CADM2: variants seen among roughly 807,000 people sequenced by gnomAD.
The protein encoded by CADM2 is cell adhesion molecule 2.
Under a neutral mutation model 49.8 loss-of-function variants are expected in CADM2, and 12 were observed. The ratio of observed to expected loss-of-function variants is 0.24; its 90% confidence interval spans 0.15 to 0.39. The LOEUF (loss-of-function observed/expected upper bound fraction) is 0.39, where lower values mean the gene tolerates loss of function less well. Among genes scored for constraint, CADM2 ranks in the 10% least tolerant of loss-of-function variants. The pLI is 1.00. For missense variants in CADM2, 378 were observed against 492.3 expected, an observed-to-expected ratio of 0.77 and a Z score of 2.20; for synonymous variants, 214 against 175.4, an observed-to-expected ratio of 1.22 and a Z score of -1.74.
In CADM2 at chr3:86,012,930, G is replaced by A. The variant is rs539459120; in HGVS notation, c.970+51283G>A. 42 of 636,582 alleles carry A rather than the reference G, an allele frequency of 6.6e-5. 1 individual carries two copies. Among genetic ancestry groups the A allele is most frequent in the Non-Finnish European group, 1.4e-5 (5 of 349,368 alleles). 39.4% of individuals were successfully genotyped at this position (636,582 alleles called of 1,614,324 possible). ...GCGGAGCTTGCAGTGAGCCGAGATC[G>A]CGCCACTGCACTCCAGCCTGGGCGA... On this transcript the variant is annotated intron_variant, in intron 8 of 9. Coordinates refer to ENST00000383699, the MANE Select transcript of CADM2 (RefSeq NM_001167675.2).
intron 1 of CADM2, among the ~76,000 whole-genome samples, chr3:85,467,996 T>C (rs1316310027): frequency 2.6e-5 from 4 of 151,198 alleles, no homozygotes; most frequent in South Asian, 2.1e-4. Context: ...CTACTAAAAA[T>C]ACAAAAAATT....
At chr3:85,233,763 G>A (rs570703404) in intron 1 of CADM2, among the ~76,000 whole-genome samples, 152 of 152,020 alleles carry the variant, frequency 1.0e-3, no homozygotes, top group Middle Eastern at 3.4e-3. Flanking sequence ...GAAAAATATT[G>A]CAGATTATAA....
At chr3:85,888,145 T>G (rs1324826856) in intron 5 of CADM2, among the ~76,000 whole-genome samples, 1 of 152,158 alleles carries the variant, frequency 6.6e-6, no homozygotes, top group African/African-American at 2.4e-5. Context: ...TCTCACTTTC[T>G]TAGTATTTTA....
At chr3:85,177,325 T>A (rs1467184711) in intron 1 of CADM2, among the ~76,000 whole-genome samples, 2 of 151,902 alleles carry the variant, frequency 1.3e-5, no homozygotes, top group African/African-American at 4.8e-5. Flanking sequence ...AGTATGTGTG[T>A]TTTTTTCCTC....
At position 85,131,722 on chromosome 3, in the gene CADM2, G is replaced by C. The variant is rs74545946; in HGVS notation, c.61+172054G>C. 9.4e-3 allele frequency among the ~76,000 whole-genome samples: 1,431 copies of C among 152,104 alleles called. 23 individuals are homozygous for C. Among genetic ancestry groups the C allele is most frequent in the African/African-American group, 0.033 (1,362 of 41,530 alleles). On this transcript the variant is annotated intron_variant, in intron 1 of 9. Transcript: ENST00000383699. ...TTGAAAAGTGACTATTCCTTTTAAA[G>C]GATTTAGTGAAAATGTTCCCCTTCA... is the stretch of plus-strand genomic sequence containing the variant.
At chr3:85,717,761 G>A (rs1367326383) in intron 1 of CADM2, among the ~76,000 whole-genome samples, 2 of 151,886 alleles carry the variant, frequency 1.3e-5, no homozygotes, top group Non-Finnish European at 2.9e-5. Context: ...GGTTTTGTGG[G>A]GGTTTTTGTT....
At chr3:85,167,319 A>G (rs2040496311) in intron 1 of CADM2, among the ~76,000 whole-genome samples, 1 of 152,098 alleles carries the variant, frequency 6.6e-6, no homozygotes, top group South Asian at 2.1e-4. Flanking sequence ...GAAATATTTT[A>G]TTATATATCA....
chr3:85,468,288 C>T (rs1413907964), intron 1 of CADM2, among the ~76,000 whole-genome samples: 3 of 151,798 alleles, frequency 2.0e-5, no homozygotes, highest in Non-Finnish European at 2.9e-5. Flanking sequence ...CTGGTTGCCT[C>T]CCCCGTAGAG....
chr3:85,031,810 A>G (rs114092500), intron 1 of CADM2, among the ~76,000 whole-genome samples: 6,325 of 152,144 alleles, frequency 0.042, 163 homozygotes, highest in African/African-American at 0.069. Context: ...GTGAGCCACC[A>G]CGCCCGGCCC....
intron 1 of CADM2, among the ~76,000 whole-genome samples, chr3:85,267,980 C>T (rs574905492): frequency 6.6e-6 from 1 of 151,474 alleles, no homozygotes; most frequent in East Asian, 1.9e-4. Flanking sequence ...TATGTAAATG[C>T]CATGGATATA....
chr3:85,408,407 A>G (rs2035500013), intron 1 of CADM2, among the ~76,000 whole-genome samples: 1 of 152,202 alleles, frequency 6.6e-6, no homozygotes, highest in Admixed American at 6.5e-5. Context: ...AATGGATGAA[A>G]AATTAATTTT....
intron 5 of CADM2, among the ~76,000 whole-genome samples, chr3:85,890,273 C>T (rs1325878288): frequency 1.3e-5 from 2 of 151,910 alleles, no homozygotes; most frequent in African/African-American, 2.4e-5. Flanking sequence ...GCTCTCAGTT[C>T]ATCTGTATTT....
At chr3:85,288,224 A>T (rs984622968) in intron 1 of CADM2, among the ~76,000 whole-genome samples, 2 of 152,102 alleles carry the variant, frequency 1.3e-5, no homozygotes, top group African/African-American at 4.8e-5. Flanking sequence ...CCATGAAAAA[A>T]TCACTGTGAG....
intron 1 of CADM2, among the ~76,000 whole-genome samples, chr3:85,019,202 G>A (rs900115497): frequency 6.6e-6 from 1 of 152,186 alleles, no homozygotes; most frequent in African/African-American, 2.4e-5. Context: ...GAAAATGCTG[G>A]GCAGGTGTGG....
At chr3:85,072,741 A>C (rs544883002) in intron 1 of CADM2, among the ~76,000 whole-genome samples, 1 of 152,158 alleles carries the variant, frequency 6.6e-6, no homozygotes, top group African/African-American at 2.4e-5. Flanking sequence ...TTTAGATAAA[A>C]ATTTTAAATT....
At chr3:85,279,980 G>A (rs1177717231) in intron 1 of CADM2, among the ~76,000 whole-genome samples, 2 of 151,466 alleles carry the variant, frequency 1.3e-5, no homozygotes, top group Non-Finnish European at 1.5e-5. Context: ...CTATTCTGTA[G>A]GTGGCCTTTA....
In CADM2 at chr3:85,646,114, T is replaced by G. The variant is rs185659167; in HGVS notation, c.62-80408T>G. Among the ~76,000 whole-genome samples, 58 of 152,124 alleles carry G rather than the reference T, an allele frequency of 3.8e-4. No individual in the cohort carries two copies. In the East Asian group the frequency reaches 9.5e-3, roughly 25 times the overall value. On this transcript the variant is annotated intron_variant, in intron 1 of 9. Coordinates refer to ENST00000383699, the MANE Select transcript of CADM2 (RefSeq NM_001167675.2). ...TTCAGTTAGTACCTGGGATAAAAATTACATTCAATGTTAAACCTAAATACT... is the reference window on the plus strand; with the variant it reads ...TTCAGTTAGTACCTGGGATAAAAATGACATTCAATGTTAAACCTAAATACT...
At position 85,918,797 on chromosome 3, in the gene CADM2, T is replaced by C. The variant is rs184795169; in HGVS notation, c.700+6254T>C. Reference sequence around the variant, plus strand: ...CTTTTAAAAATTAATCAATGAAAACTCAAATTTGTCCTCCCATTTTTGCAC... The same window carrying C: ...CTTTTAAAAATTAATCAATGAAAACCCAAATTTGTCCTCCCATTTTTGCAC... On this transcript the variant is annotated intron_variant, in intron 6 of 9. Transcript: ENST00000383699. Among the ~76,000 whole-genome samples, 340 of 152,172 alleles carry C rather than the reference T, an allele frequency of 2.2e-3. 1 individual carries two copies. Among genetic ancestry groups the C allele is most frequent in the Non-Finnish European group, 3.9e-3 (268 of 67,970 alleles).
intron 1 of CADM2, among the ~76,000 whole-genome samples, chr3:85,329,628 A>T (rs1171952236): frequency 6.6e-6 from 1 of 152,026 alleles, no homozygotes; most frequent in East Asian, 1.9e-4. Context: ...AATACACATC[A>T]TATTTATTAT....
Sources: allele counts gnomAD v4.1 joint callset (sites outside exome capture counted in the v4.1 genomes callset), GRCh38; gene constraint gnomAD v4.1.1; transcripts MANE v1.5; gene names NCBI Gene and HGNC (gene_info 2026-07-23, HGNC 2026-07-21).